RSBN1: variants seen among roughly 807,000 people sequenced by gnomAD.
The protein encoded by RSBN1 is round spermatid basic protein 1, also known as lysine-specific demethylase 9.
A neutral mutation model predicts 74.8 loss-of-function variants in RSBN1; 23 were observed. That is an observed-to-expected ratio of 0.31 (90% CI 0.22 to 0.44). The LOEUF (loss-of-function observed/expected upper bound fraction) is 0.44, where lower values mean the gene tolerates loss of function less well. Among genes scored for constraint, RSBN1 ranks in the 20% least tolerant of loss-of-function variants. The pLI, the probability that RSBN1 is intolerant of heterozygous loss-of-function variation, is 1.00. For synonymous variants in RSBN1, 407 were observed against 379.6 expected (o/e 1.07, Z -0.84); for missense variants, 808 against 1,020.9 (o/e 0.79, Z 2.84).
rs150300706 is a variant in RSBN1 at position 113,811,929 on chromosome 1, G to C, written c.484C>G (p.Leu162Val). ...APAGPAVAAP[L>V]PAPSTSALFT... ...AGGGCCGAGGTGCTTGGGGCCGGGAGAGGGGCAGCGACAGCGGGCCCGGCG... is the reference window on the plus strand; with the variant it reads ...AGGGCCGAGGTGCTTGGGGCCGGGACAGGGGCAGCGACAGCGGGCCCGGCG... Residue 162 changes from leucine (L) to valine (V), a missense_variant, in exon 1 of 7, where the codon CTC becomes GTC. Physicochemically the swap from Leu to Val is conservative, Grantham distance 32. Coordinates refer to ENST00000261441, the MANE Select transcript of RSBN1 (RefSeq NM_018364.5). The C allele has an allele frequency of 5.6e-5, 90 of 1,601,582 alleles. 1 individual carries two copies. In the African/African-American group the frequency reaches 1.2e-3, roughly 21 times the overall value.
Position 113,811,690 on chromosome 1 carries a change from G to A in RSBN1, c.703+20C>T. On this transcript the variant is annotated intron_variant, in intron 1 of 6. Transcript: ENST00000261441. ...TGAGAGAGACCTAGAACCCAAGCCG[G>A]GCAGTTTGCCTGCTCTCACCTCTCT... is the stretch of plus-strand genomic sequence containing the variant. 6.4e-7 allele frequency: 1 copy of A among 1,556,672 alleles called. No individual in the cohort carries two copies. The highest frequency in any genetic ancestry group is 1.2e-5 in the South Asian group (1 of 83,384).
chr1:113,773,087 GA>G (rs2101794696), intron 4 of RSBN1, among the ~76,000 whole-genome samples: 1 of 151,918 alleles, frequency 6.6e-6, no homozygotes, highest in South Asian at 2.1e-4. Context: ...ACTTGGAACA[GA>G]AGGGAAAAAA....
In RSBN1 at chr1:113,775,213, T is replaced by C. The variant is rs998642803; in HGVS notation, c.1658+1997A>G. 6.6e-5 allele frequency among the ~76,000 whole-genome samples: 10 copies of C among 152,084 alleles called. No individual in the cohort carries two copies. The South Asian group carries it at 2.1e-3, about 32-fold the overall frequency. ...CTAATTTTTGTATTTTTAGTAGAGA[T>C]GGGGTTTCACCATGTTGACCAGGAT... is the stretch of plus-strand genomic sequence containing the variant. On this transcript the variant is annotated intron_variant, in intron 4 of 6. Coordinates refer to ENST00000261441, the MANE Select transcript of RSBN1 (RefSeq NM_018364.5).
intron 5 of RSBN1, 63 bp from the exon 6 acceptor site, chr1:113,767,270 TCA>T (rs1486540664): frequency 2.2e-5 from 21 of 959,090 alleles, no homozygotes; most frequent in Non-Finnish European, 3.0e-5. Context: ...ATGACAAATT[TCA>T]GTTCTTTTGT....
At chr1:113,800,798 T>C (rs189346693) in intron 1 of RSBN1, among the ~76,000 whole-genome samples, 76 of 151,606 alleles carry the variant, frequency 5.0e-4, no homozygotes, top group African/African-American at 1.8e-3. Flanking sequence ...AAAATTCACT[T>C]ATATGAAAAC....
At chr1:113,778,447 G>A (rs781562410) in intron 2 of RSBN1, among the ~76,000 whole-genome samples, 59 of 151,890 alleles carry the variant, frequency 3.9e-4, no homozygotes, top group Admixed American at 9.2e-4. Flanking sequence ...ACAGGTGTGC[G>A]CCACCATGCC....
At chr1:113,779,290 A>G (rs1221370433) in intron 2 of RSBN1, among the ~76,000 whole-genome samples, 3 of 152,170 alleles carry the variant, frequency 2.0e-5, no homozygotes, top group Non-Finnish European at 1.5e-5. Flanking sequence ...ATTCTTCACC[A>G]TTTGTTCTTT....
intron 1 of RSBN1, among the ~76,000 whole-genome samples, chr1:113,809,762 A>T (rs1660793928): frequency 6.6e-6 from 1 of 152,216 alleles, no homozygotes; most frequent in South Asian, 2.1e-4. Flanking sequence ...GGTGTTGTCC[A>T]GTGTGGTAGC....
Position 113,766,081 on chromosome 1 carries a change from G to T in RSBN1, c.2308C>A (p.Gln770Lys), listed in dbSNP as rs748883651. Residue 770 changes from glutamine (Q) to lysine (K), a missense_variant, in exon 7 of 7, where the codon CAA becomes AAA. Around this residue, in one of 6 missense-constraint regions of RSBN1, gnomAD observed 91 missense variants for 99.6 expected, o/e 0.91. Transcript: ENST00000261441. ...FPPASELNLQ[Q>K]DQKTQPIPVL... The stretch of plus-strand genomic sequence containing the variant: ...GGAATAGGCTGAGTCTTCTGATCTT[G>T]CTGTAGATTAAGTTCTGATGCAGGT... 2 of 1,613,940 alleles carry T rather than the reference G, an allele frequency of 1.2e-6. No individual in the cohort carries two copies. Among genetic ancestry groups the T allele is most frequent in the Non-Finnish European group, 1.7e-6 (2 of 1,179,952 alleles).
intron 1 of RSBN1, among the ~76,000 whole-genome samples, chr1:113,799,099 A>T (rs1244110481): frequency 2.6e-5 from 4 of 152,232 alleles, no homozygotes; most frequent in African/African-American, 9.6e-5. Flanking sequence ...AGCACTTAAC[A>T]CATGTACATT....
rs189129883 is a variant in RSBN1 at position 113,779,973 on chromosome 1, T to G, written c.1378-2165A>C. On this transcript the variant is annotated intron_variant, in intron 2 of 6. Transcript: ENST00000261441. ...AGGCGGAGTTTGCAGTGAGCCAAGA[T>G]CGTGCCACTGCACTCCAGCCTGGGC... Among the ~76,000 whole-genome samples, 184 of 151,608 alleles carry G rather than the reference T, an allele frequency of 1.2e-3. 3 individuals carry two copies. The highest frequency in any genetic ancestry group is 4.1e-3 in the African/African-American group (171 of 41,322).
intron 4 of RSBN1, among the ~76,000 whole-genome samples, chr1:113,771,810 C>CAAAA (rs71779986): frequency 4.0e-5 from 3 of 75,350 alleles, no homozygotes; most frequent in South Asian, 4.9e-4. Flanking sequence ...GTTCCTACCT[C>CAAAA]AAAAAAAAAA....
At chr1:113,799,858 TA>T (rs1660546978) in intron 1 of RSBN1, among the ~76,000 whole-genome samples, 1 of 152,200 alleles carries the variant, frequency 6.6e-6, no homozygotes, top group Admixed American at 6.5e-5. Context: ...CTTTCAGGAT[TA>T]AATACCAGGT....
intron 5 of RSBN1, 74 bp from the exon 6 acceptor site, chr1:113,767,281 G>T: frequency 1.2e-6 from 1 of 834,162 alleles, no homozygotes; most frequent in Non-Finnish European, 1.9e-6. Context: ...CAGTTCTTTT[G>T]TTCTTGGAAA....
chr1:113,792,218 C>G (rs1476548783), intron 2 of RSBN1, among the ~76,000 whole-genome samples: 2 of 152,188 alleles, frequency 1.3e-5, no homozygotes, highest in Non-Finnish European at 2.9e-5. Flanking sequence ...ACATAACACA[C>G]ACTCCTCTCC....
intron 1 of RSBN1, 132 bp from the exon 2 acceptor site, chr1:113,798,168 G>C: frequency 2.9e-6 from 2 of 701,290 alleles, no homozygotes; most frequent in Non-Finnish European, 2.4e-6. Flanking sequence ...TACGTGTTTA[G>C]AAAACAAATG....
At chr1:113,787,365 T>C (rs907710319) in intron 2 of RSBN1, among the ~76,000 whole-genome samples, 2 of 152,136 alleles carry the variant, frequency 1.3e-5, no homozygotes, top group Admixed American at 1.3e-4. Flanking sequence ...ATACAAGCTA[T>C]CAAAATGTTT....
At chr1:113,771,040 A>C (rs1369221244) in intron 4 of RSBN1, among the ~76,000 whole-genome samples, 1 of 152,110 alleles carries the variant, frequency 6.6e-6, no homozygotes, top group African/African-American at 2.4e-5. Flanking sequence ...AAACAACAAA[A>C]AGTATAATTA....
At chr1:113,790,308 A>G (rs999495976) in intron 2 of RSBN1, among the ~76,000 whole-genome samples, 2 of 152,178 alleles carry the variant, frequency 1.3e-5, no homozygotes, top group Non-Finnish European at 2.9e-5. Context: ...TATATACCCA[A>G]TGCCACAGAA....
Sources: gnomAD v4.1 joint callset for allele counts (sites outside exome capture counted in the v4.1 genomes callset) on GRCh38, gnomAD v4.1.1 for gene constraint, gnomAD v4.1.1 regional missense constraint, MANE v1.5 for transcripts, NCBI Gene and HGNC (gene_info 2026-07-23, HGNC 2026-07-21) for gene names.